Variants in SPAG16 observed in about 807,000 individuals in gnomAD.
SPAG16 encodes sperm associated antigen 16, also known as sperm-associated antigen 16 protein.
SPAG16 carries 86 observed loss-of-function variants against 80.4 expected under a neutral mutation model. The ratio of observed to expected loss-of-function variants is 1.07; its 90% CI spans 0.90 to 1.28. SPAG16 has a LOEUF of 1.28. Among genes scored for constraint, SPAG16 ranks in the 50% most tolerant of loss-of-function variants. The pLI is 0.00. For synonymous variants in SPAG16, 294 were observed against 265.9 expected (o/e 1.11, Z -1.03); for missense variants, 870 against 765.3 (o/e 1.14, Z -1.61).
chr2:213,620,583 C>T (rs898019940), intron 10 of SPAG16, among the ~76,000 whole-genome samples: 2 of 151,890 alleles, frequency 1.3e-5, no homozygotes, highest in East Asian at 1.9e-4. Flanking sequence ...TGAGCCACTG[C>T]GCCTGGCTGT....
At chr2:213,743,148 C>T (rs2067658531) in intron 10 of SPAG16, among the ~76,000 whole-genome samples, 3 of 152,146 alleles carry the variant, frequency 2.0e-5, no homozygotes, top group South Asian at 4.1e-4. Flanking sequence ...CGTGATCCAC[C>T]CGCGTCAGCC....
chr2:213,464,028 CTGGT>C (rs2072533511), intron 9 of SPAG16, among the ~76,000 whole-genome samples: 1 of 152,182 alleles, frequency 6.6e-6, no homozygotes, highest in Non-Finnish European at 1.5e-5. Context: ...ACTAAGTCCC[CTGGT>C]TGAATAAAGG....
intron 4 of SPAG16, among the ~76,000 whole-genome samples, chr2:213,315,577 C>G (rs1181064556): frequency 1.3e-5 from 2 of 151,952 alleles, no homozygotes; most frequent in Non-Finnish European, 2.9e-5. Flanking sequence ...CATCTTGATT[C>G]CCTGTGCTTT....
At chr2:213,661,422 T>G (rs2063422488) in intron 10 of SPAG16, among the ~76,000 whole-genome samples, 1 of 152,238 alleles carries the variant, frequency 6.6e-6, no homozygotes, top group Non-Finnish European at 1.5e-5. Context: ...TCACATTTAA[T>G]TTGATAATCA....
chr2:213,810,906 G>A (rs1462869718), intron 10 of SPAG16, among the ~76,000 whole-genome samples: 1 of 152,120 alleles, frequency 6.6e-6, no homozygotes, highest in African/African-American at 2.4e-5. Context: ...AGACCATTCC[G>A]ATTTGGAACA....
intron 12 of SPAG16, among the ~76,000 whole-genome samples, chr2:214,013,032 A>G (rs7606420): frequency 2.6e-5 from 4 of 152,138 alleles, no homozygotes; most frequent in Admixed American, 6.5e-5. Context: ...TGGGTAAAAA[A>G]TTTTAAAAAC....
intron 13 of SPAG16, among the ~76,000 whole-genome samples, chr2:214,019,424 C>T (rs1295413209): frequency 6.6e-6 from 1 of 152,154 alleles, no homozygotes. Flanking sequence ...GAGTCAGACA[C>T]AGAGGGTTCA....
intron 14 of SPAG16, among the ~76,000 whole-genome samples, chr2:214,145,263 G>A (rs2055580461): frequency 6.6e-6 from 1 of 152,034 alleles, no homozygotes; most frequent in Non-Finnish European, 1.5e-5. Flanking sequence ...TTGATAACAA[G>A]TTTACATAAC....
chr2:214,137,409 T>C (rs2055118891), intron 14 of SPAG16, among the ~76,000 whole-genome samples: 1 of 152,110 alleles, frequency 6.6e-6, no homozygotes, highest in African/African-American at 2.4e-5. Context: ...TAATTATACA[T>C]GTTATAGTTT....
chr2:213,548,232 G>T (rs1033762114), intron 10 of SPAG16, among the ~76,000 whole-genome samples: 1 of 151,432 alleles, frequency 6.6e-6, no homozygotes, highest in Non-Finnish European at 1.5e-5. Flanking sequence ...TTTTTTTTCG[G>T]GGACGGAGTT....
intron 10 of SPAG16, among the ~76,000 whole-genome samples, chr2:213,510,599 A>C (rs1488749569): frequency 6.6e-6 from 1 of 152,168 alleles, no homozygotes; most frequent in Non-Finnish European, 1.5e-5. Flanking sequence ...TATTTGTTAA[A>C]GCTCAGGGAC....
At position 213,427,071 on chromosome 2, in the gene SPAG16, A is replaced by G. The variant is rs377484191; in HGVS notation, c.942+51952A>G. Among the ~76,000 whole-genome samples, 12 of 152,234 alleles carry G rather than the reference A, an allele frequency of 7.9e-5. No individual in the cohort carries two copies. The South Asian group carries it at 2.5e-3, about 32-fold the overall frequency. On this transcript the variant is annotated intron_variant, in intron 9 of 15. Coordinates refer to ENST00000331683, the MANE Select transcript of SPAG16 (RefSeq NM_024532.5). Reference sequence around the variant, plus strand: ...TGAAAATTAAAGTATAAAAATAAATACAGTTTACATTAATGGACATTCCAT... The same window carrying G: ...TGAAAATTAAAGTATAAAAATAAATGCAGTTTACATTAATGGACATTCCAT...
rs538182919 is a variant in SPAG16 at position 213,814,906 on chromosome 2, A to G, written c.1071-47579A>G. Among the ~76,000 whole-genome samples the G allele has an allele frequency of 7.3e-5, 11 of 151,132 alleles. No individual in the cohort carries two copies. The East Asian group carries it at 2.1e-3, about 29-fold the overall frequency. On this transcript the variant is annotated intron_variant, in intron 10 of 15. Coordinates refer to ENST00000331683, the MANE Select transcript of SPAG16 (RefSeq NM_024532.5). ...ATATATATATCCATAGCTTCTAAAT[A>G]CATGAAGCAAAAACCAATAGAACTG...
chr2:214,075,024 A>G (rs1171870375), intron 13 of SPAG16, among the ~76,000 whole-genome samples: 1 of 152,196 alleles, frequency 6.6e-6, no homozygotes, highest in Non-Finnish European at 1.5e-5. Context: ...ACGTTGAAAT[A>G]CCATATACAA....
At chr2:213,564,521 C>T (rs1183404133) in intron 10 of SPAG16, among the ~76,000 whole-genome samples, 1 of 150,296 alleles carries the variant, frequency 6.7e-6, no homozygotes, top group Non-Finnish European at 1.5e-5. Flanking sequence ...AAGAGTATGT[C>T]ATTAACTTTT....
intron 10 of SPAG16, among the ~76,000 whole-genome samples, chr2:213,755,850 G>A (rs1311856768): frequency 1.3e-5 from 2 of 152,142 alleles, no homozygotes; most frequent in Non-Finnish European, 2.9e-5. Context: ...AGAAAATAAA[G>A]TTCTGTGACC....
At chr2:213,628,247 A>T (rs893218305) in intron 10 of SPAG16, among the ~76,000 whole-genome samples, 3 of 152,196 alleles carry the variant, frequency 2.0e-5, no homozygotes. Flanking sequence ...GAAATTCTTG[A>T]GTGTTTTCCA....
intron 12 of SPAG16, among the ~76,000 whole-genome samples, chr2:214,012,311 C>CTTT (rs2047352714): frequency 7.7e-5 from 1 of 13,002 alleles, no homozygotes; most frequent in Non-Finnish European, 1.3e-4. Flanking sequence ...TTTTTTTTTC[C>CTTT]TCGAGAGGGC....
intron 10 of SPAG16, among the ~76,000 whole-genome samples, chr2:213,516,261 G>A (rs1284224267): frequency 6.6e-6 from 1 of 152,112 alleles, no homozygotes; most frequent in African/African-American, 2.4e-5. Flanking sequence ...ACTTCTTTGT[G>A]TGTATTTAAG....
Sources: allele counts gnomAD v4.1 joint callset (sites outside exome capture counted in the v4.1 genomes callset), GRCh38; gene constraint gnomAD v4.1.1; transcripts MANE v1.5; gene names NCBI Gene and HGNC (gene_info 2026-07-23, HGNC 2026-07-21).